Variants in PCDHGA2 observed in about 807,000 individuals in gnomAD.
PCDHGA2 encodes the protein protocadherin gamma subfamily A, 2, also known as protocadherin gamma-A2.
In PCDHGA2, 40 loss-of-function variants were observed where a neutral mutation model predicts 59.2. That is an observed-to-expected ratio of 0.68 (90% CI 0.52 to 0.88). PCDHGA2 has a LOEUF of 0.88. PCDHGA2 is among the 40% of genes least tolerant of loss of function. The pLI, the probability that PCDHGA2 is intolerant of heterozygous loss-of-function variation, is 0.00. For synonymous variants in PCDHGA2, 560 were observed against 526.0 expected, an observed-to-expected ratio of 1.06 and a Z score of -0.89; for missense variants, 1,226 against 1,204.0, an observed-to-expected ratio of 1.02 and a Z score of -0.27.
chr5:141,423,802 C>A, intron 1 of PCDHGA2: 3 of 1,254,704 alleles, frequency 2.4e-6, no homozygotes, highest in South Asian at 2.9e-5. Context: ...TAGAGCAATA[C>A]ATGTGAGTTT....
rs763404019 is a variant in PCDHGA2 at position 141,345,771 on chromosome 5, C to T, written c.2424+4376C>T. The T allele has an allele frequency of 1.6e-5, 26 of 1,614,170 alleles. 1 individual carries two copies. In the South Asian group the frequency reaches 1.6e-4, roughly 10 times the overall value. ...TTCCACTGGCGTGGAGCTGGCGCCT[C>T]GCTCCGCAGAGCCCGGCTACCTGGT... is the stretch of plus-strand genomic sequence containing the variant. On this transcript the variant is annotated intron_variant, in intron 1 of 3. Transcript: ENST00000394576.
At chr5:141,504,545 TGTTGGGGG>T in intron 2 of PCDHGA2, among the ~76,000 whole-genome samples, 1 of 151,524 alleles carries the variant, frequency 6.6e-6, no homozygotes, top group South Asian at 2.1e-4. Flanking sequence ...TCATGGCAAA[TGTTGGGGG>T]ACTGGCATTC....
At position 141,399,350 on chromosome 5, in the gene PCDHGA2, G is replaced by A. The variant is rs746925566; in HGVS notation, c.2424+57955G>A. On this transcript the variant is annotated intron_variant, in intron 1 of 3. Transcript: ENST00000394576. ...TTGGTAACAGATGGAACCCTAGACC[G>A]AGAGCAAACCCCGGAGTACAATGTC... is the stretch of plus-strand genomic sequence containing the variant. The A allele has an allele frequency of 6.8e-6, 11 of 1,613,966 alleles. No individual in the cohort carries two copies. The South Asian group carries it at 1.1e-4, about 16-fold the overall frequency.
chr5:141,409,831 C>T (rs1015263434), intron 1 of PCDHGA2: 2 of 1,611,128 alleles, frequency 1.2e-6, no homozygotes, highest in Non-Finnish European at 1.7e-6. Flanking sequence ...CCACGCTCAG[C>T]GCCAACGTGA....
At chr5:141,418,535 G>GC in intron 1 of PCDHGA2, 1 of 1,614,002 alleles carries the variant, frequency 6.2e-7, no homozygotes, top group Non-Finnish European at 8.5e-7. Context: ...AAGCGGTACT[G>GC]CTCAGATAAG....
chr5:141,457,127 C>G (rs2098910262), intron 1 of PCDHGA2, among the ~76,000 whole-genome samples: 1 of 152,200 alleles, frequency 6.6e-6, no homozygotes, highest in Admixed American at 6.5e-5. Flanking sequence ...AATGGAAACT[C>G]TGTCCAATAT....
At position 141,392,919 on chromosome 5, in the gene PCDHGA2, C is replaced by T. The variant is rs1220575114; in HGVS notation, c.2424+51524C>T. On this transcript the variant is annotated intron_variant, in intron 1 of 3. Coordinates refer to ENST00000394576, the MANE Select transcript of PCDHGA2 (RefSeq NM_018915.4). The stretch of plus-strand genomic sequence containing the variant: ...GAGGGGACAGATTCGCTACTCTGTG[C>T]CAGAAGAGACGGACAAAGGCTCCTT... 5.0e-6 allele frequency: 8 copies of T among 1,613,762 alleles called. No individual in the cohort carries two copies. The African/African-American group carries it at 1.1e-4, about 22-fold the overall frequency.
intron 1 of PCDHGA2, among the ~76,000 whole-genome samples, chr5:141,465,116 C>A (rs2099097321): frequency 6.6e-6 from 1 of 150,972 alleles, no homozygotes; most frequent in Non-Finnish European, 1.5e-5. Context: ...AGTGTTTTAG[C>A]CTAAATTTGT....
At chr5:141,361,450 A>T in intron 1 of PCDHGA2, 1 of 1,613,960 alleles carries the variant, frequency 6.2e-7, no homozygotes, top group East Asian at 2.2e-5. Flanking sequence ...CATAATTGTC[A>T]CCCTGCACAT....
chr5:141,370,554 C>G, intron 1 of PCDHGA2: 2 of 1,613,894 alleles, frequency 1.2e-6, no homozygotes, highest in Non-Finnish European at 1.7e-6. Flanking sequence ...CGCCAAGGAC[C>G]TGGGGTTTGG....
rs772962568 is a variant in PCDHGA2, at chr5:141,476,311, G to A, written c.2425-18496G>A. The stretch of plus-strand genomic sequence containing the variant: ...ATCTCGGTAGCCTCTCAGCCCGCAG[G>A]TTCCGGGTGGTGTCTGGAGCTAGCC... On this transcript the variant is annotated intron_variant, in intron 1 of 3. Transcript: ENST00000394576. The surrounding 1 kb of genome is among the most constrained non-coding windows in gnomAD (Gnocchi z 7.6). 13 of 1,613,680 alleles carry A rather than the reference G, an allele frequency of 8.1e-6. No individual in the cohort carries two copies. The African/African-American group carries it at 1.5e-4, about 18-fold the overall frequency.
chr5:141,364,176 C>T, intron 1 of PCDHGA2: 2 of 835,076 alleles, frequency 2.4e-6, no homozygotes, highest in East Asian at 6.0e-5. Context: ...CGACTCTGCT[C>T]CCTCCATACT....
At chr5:141,451,224 C>G (rs2098710956) in intron 1 of PCDHGA2, among the ~76,000 whole-genome samples, 1 of 152,170 alleles carries the variant, frequency 6.6e-6, no homozygotes, top group South Asian at 2.1e-4. Flanking sequence ...TTAAAAGAAG[C>G]ATTTATTATC....
rs376892761 is a variant in PCDHGA2, at chr5:141,375,904, C to T, written c.2424+34509C>T. On this transcript the variant is annotated intron_variant, in intron 1 of 3. Transcript: ENST00000394576. ...GCCAGAACGCCTGGCTGTCCTACCG[C>T]CTGCTCAAGGCCAGCGAGCCAGGAC... The T allele has an allele frequency of 2.5e-5, 41 of 1,613,756 alleles. No homozygotes were observed. In the South Asian group the frequency reaches 2.6e-4, roughly 10 times the overall value.
In PCDHGA2 at chr5:141,478,136, C is replaced by G. The variant is rs529858044; in HGVS notation, c.2425-16671C>G. 1.4e-4 allele frequency: 218 copies of G among 1,614,048 alleles called. 3 individuals are homozygous for G. The South Asian group carries it at 2.2e-3, about 17-fold the overall frequency. ...AGTAACCGAGGACTCTCCTGAAGCC[C>G]GAGCCGAGTTCCCCTCTGGCTCTGC... is the stretch of plus-strand genomic sequence containing the variant. On this transcript the variant is annotated intron_variant, in intron 1 of 3. Coordinates refer to ENST00000394576, the MANE Select transcript of PCDHGA2 (RefSeq NM_018915.4).
intron 1 of PCDHGA2, chr5:141,346,189 G>C: frequency 6.2e-7 from 1 of 1,614,102 alleles, no homozygotes. Flanking sequence ...CTGCGGCGCT[G>C]GCACAAGTCA....
chr5:141,487,798 G>A lies in PCDHGA2; in HGVS notation c.2425-7009G>A, dbSNP rs1197016007. 6.7e-7 allele frequency: 1 copy of A among 1,498,792 alleles called. No homozygotes were observed. Among genetic ancestry groups the A allele is most frequent in the South Asian group, 1.3e-5 (1 of 78,368 alleles). 92.8% of individuals were successfully genotyped at this position (1,498,792 alleles called of 1,614,324 possible). On this transcript the variant is annotated intron_variant, in intron 1 of 3. Coordinates refer to ENST00000394576, the MANE Select transcript of PCDHGA2 (RefSeq NM_018915.4). The surrounding 1 kb of genome is among the most constrained non-coding windows in gnomAD (Gnocchi z 5.0). ...ACTGTTTCGTGAATTAACCAGAGTT[G>A]TCACAGTTTAGCATTGGGGGCGGGT...
Position 141,486,617 on chromosome 5 carries a change from C to G in PCDHGA2, c.2425-8190C>G. ...GCTTTGCTCCCTTGCAGCCTCTGAC[C>G]CAGACTCTGGCTTGAATGCGCTTAT... On this transcript the variant is annotated intron_variant, in intron 1 of 3. Transcript: ENST00000394576. This position sits in a 1 kb window ranked among gnomAD's most constrained non-coding sequence, Gnocchi z 5.0. 1 of 1,613,602 alleles carries G rather than the reference C, an allele frequency of 6.2e-7. No homozygotes were observed. Among genetic ancestry groups the G allele is most frequent in the South Asian group, 1.1e-5 (1 of 91,086 alleles).
At position 141,476,668 on chromosome 5, in the gene PCDHGA2, G is replaced by A; in HGVS notation, c.2425-18139G>A. The A allele has an allele frequency of 6.2e-7, 1 of 1,614,262 alleles. No individual in the cohort carries two copies. Among genetic ancestry groups the A allele is most frequent in the Non-Finnish European group, 8.5e-7 (1 of 1,180,054 alleles). On this transcript the variant is annotated intron_variant, in intron 1 of 3. Transcript: ENST00000394576. This position sits in a 1 kb window ranked among gnomAD's most constrained non-coding sequence, Gnocchi z 7.6. ...GAAATGAATACTTTGCGCTTCGCGT[G>A]CAGACGCGGGAGGACAGCACCAAGT...
Sources: gnomAD v4.1 joint callset for allele counts (sites outside exome capture counted in the v4.1 genomes callset) on GRCh38, gnomAD v4.1.1 for gene constraint, Gnocchi (gnomAD v3.1) non-coding constraint, MANE v1.5 for transcripts, NCBI Gene and HGNC (gene_info 2026-07-23, HGNC 2026-07-21) for gene names.